Variants in CFAP20DC observed in about 807,000 individuals in gnomAD.
CFAP20DC encodes protein CFAP20DC.
In CFAP20DC, 84 loss-of-function variants were observed where a neutral mutation model predicts 101.7. The observed-to-expected ratio is 0.83, with a 90% CI of 0.69 to 0.99. The LOEUF (loss-of-function observed/expected upper bound fraction) is 0.99, where lower values mean the gene tolerates loss of function less well. Ranked by LOEUF, CFAP20DC falls within the 50% of genes least tolerant of loss-of-function variation. The pLI, the probability that CFAP20DC is intolerant of heterozygous loss-of-function variation, is 0.00. For missense variants in CFAP20DC, 1,007 were observed against 970.3 expected (o/e 1.04, Z -0.50); for synonymous variants, 359 against 351.2 (o/e 1.02, Z -0.25).
rs554050276 is a variant in CFAP20DC, at chr3:58,804,606, A to G, written c.2237+1789T>C. On this transcript the variant is annotated intron_variant, in intron 15 of 16. Transcript: ENST00000482387. ...TCAAACTCCTGATTTCAGGTGATCC[A>G]TCTGCCTTAGTCTCCCAAAGTGCTG... is the stretch of plus-strand genomic sequence containing the variant. 7.9e-5 allele frequency among the ~76,000 whole-genome samples: 12 copies of G among 152,258 alleles called. No individual in the cohort carries two copies. The South Asian group carries it at 2.5e-3, about 32-fold the overall frequency.
At chr3:58,909,565 T>A (rs1275785412) in intron 6 of CFAP20DC, among the ~76,000 whole-genome samples, 3 of 152,134 alleles carry the variant, frequency 2.0e-5, no homozygotes, top group Non-Finnish European at 4.4e-5. Context: ...TCCTGGAAAC[T>A]TTTCTCCTGA....
intron 14 of CFAP20DC, among the ~76,000 whole-genome samples, chr3:58,817,764 C>G (rs1003581552): frequency 6.6e-6 from 1 of 151,910 alleles, no homozygotes; most frequent in African/African-American, 2.4e-5. Context: ...GGCAGGCCAA[C>G]GTTCAGATTC....
rs1459981916 is a variant in CFAP20DC at position 58,937,641 on chromosome 3, T to C, written c.393+7A>G. ...AATATTTTAGGCAACATTCATGTGA[T>C]ACTTACAATTTTACGTTTGATCATG... On this transcript the variant is annotated splice_region_variant and intron_variant, in intron 5 of 16. Transcript: ENST00000482387. The C allele has an allele frequency of 6.6e-7, 1 of 1,511,152 alleles. No individual in the cohort carries two copies. Among genetic ancestry groups the C allele is most frequent in the Non-Finnish European group, 9.2e-7 (1 of 1,086,278 alleles). 93.6% of individuals were successfully genotyped at this position (1,511,152 alleles called of 1,614,324 possible). A position where few individuals can be genotyped will look rare whatever the true frequency, so the allele number is the denominator to read the frequency against.
At chr3:58,847,128 C>A (rs1304261471) in intron 13 of CFAP20DC, among the ~76,000 whole-genome samples, 3 of 124,632 alleles carry the variant, frequency 2.4e-5, no homozygotes, top group African/African-American at 3.1e-5. Context: ...GTCTAAAACA[C>A]CAAAAGCAAT....
chr3:58,918,621 TCA>T (rs772496800), intron 5 of CFAP20DC, among the ~76,000 whole-genome samples: 3 of 151,718 alleles, frequency 2.0e-5, no homozygotes, highest in Admixed American at 6.6e-5. Context: ...AATTATCAAG[TCA>T]CACAGTCTAT....
chr3:59,048,780 G>C (rs1187900537), intron 1 of CFAP20DC, among the ~76,000 whole-genome samples: 2 of 152,298 alleles, frequency 1.3e-5, no homozygotes, highest in East Asian at 1.9e-4. Context: ...ACGTTCATCA[G>C]AACAGCAGGA....
intron 7 of CFAP20DC, among the ~76,000 whole-genome samples, chr3:58,870,880 G>A (rs2080129371): frequency 9.8e-6 from 1 of 101,990 alleles, no homozygotes; most frequent in Admixed American, 1.5e-4. Flanking sequence ...GGGCGACAGA[G>A]CGAGACTCCG....
chr3:58,806,516 T>G (rs2074070026), intron 14 of CFAP20DC, 60 bp from the exon 15 acceptor site: 1 of 1,162,774 alleles, frequency 8.6e-7, no homozygotes, highest in Non-Finnish European at 1.3e-6. Context: ...ACATAGACAT[T>G]CACATGCACT....
At chr3:58,943,276 G>GGA (rs1406286562) in intron 4 of CFAP20DC, among the ~76,000 whole-genome samples, 2 of 152,138 alleles carry the variant, frequency 1.3e-5, no homozygotes, top group Admixed American at 1.3e-4. Flanking sequence ...CTCCTGACTG[G>GGA]GAGACACCTC....
intron 5 of CFAP20DC, among the ~76,000 whole-genome samples, chr3:58,936,882 C>G (rs1363970219): frequency 6.6e-6 from 1 of 151,390 alleles, no homozygotes; most frequent in Non-Finnish European, 1.5e-5. Context: ...ATGTAACTAA[C>G]CTGCACATTG....
chr3:59,029,292 C>A (rs925202738), intron 4 of CFAP20DC, among the ~76,000 whole-genome samples: 6 of 151,920 alleles, frequency 3.9e-5, no homozygotes, highest in African/African-American at 1.5e-4. Context: ...CAAAAAGACA[C>A]ATAATTAAAT....
At chr3:58,769,444 G>A (rs988816169) in intron 15 of CFAP20DC, among the ~76,000 whole-genome samples, 7 of 152,194 alleles carry the variant, frequency 4.6e-5, no homozygotes, top group Non-Finnish European at 8.8e-5. Flanking sequence ...CATCATGTCT[G>A]ACTTCTTCAC....
At chr3:58,951,283 A>C (rs1232049223) in intron 4 of CFAP20DC, among the ~76,000 whole-genome samples, 1 of 152,230 alleles carries the variant, frequency 6.6e-6, no homozygotes, top group Non-Finnish European at 1.5e-5. Flanking sequence ...ATGTGGAGAA[A>C]TAGGAACACT....
chr3:59,025,800 T>C (rs893063569), intron 4 of CFAP20DC, among the ~76,000 whole-genome samples: 3 of 152,164 alleles, frequency 2.0e-5, no homozygotes, highest in African/African-American at 7.2e-5. Flanking sequence ...TTGTTTTACA[T>C]ACTAAAAACA....
intron 4 of CFAP20DC, among the ~76,000 whole-genome samples, chr3:59,022,499 CAATAATCATATA>C (rs1298881684): frequency 6.6e-6 from 1 of 151,922 alleles, no homozygotes; most frequent in Non-Finnish European, 1.5e-5. Flanking sequence ...TGTAGCATAT[CAATAATCATATA>C]TGGTTTTAAA....
At chr3:58,839,326 G>A (rs1202918227) in intron 13 of CFAP20DC, among the ~76,000 whole-genome samples, 3 of 152,182 alleles carry the variant, frequency 2.0e-5, no homozygotes, top group Non-Finnish European at 4.4e-5. Flanking sequence ...ATTTAGATGA[G>A]AGTGAGGTGG....
At position 59,001,195 on chromosome 3, in the gene CFAP20DC, C is replaced by G. The variant is rs555161005; in HGVS notation, c.278+38362G>C. 6.2e-4 allele frequency among the ~76,000 whole-genome samples: 95 copies of G among 152,256 alleles called. No individual in the cohort carries two copies. The highest frequency in any genetic ancestry group is 2.2e-3 in the African/African-American group (92 of 41,554). ...TTTAAATCAATGGTAAAATAACACA[C>G]ATTGTAAATTATAATTTATGTACTT... On this transcript the variant is annotated intron_variant, in intron 4 of 16. Transcript: ENST00000482387. This position sits in a 1 kb window ranked among gnomAD's most constrained non-coding sequence, Gnocchi z 4.5.
At chr3:59,033,460 T>C (rs1400964257) in intron 4 of CFAP20DC, among the ~76,000 whole-genome samples, 2 of 151,872 alleles carry the variant, frequency 1.3e-5, no homozygotes, top group African/African-American at 2.4e-5. Context: ...TGAAAAAAGG[T>C]TGGAGGAATT....
chr3:58,739,708 G>A (rs549599114), downstream of CFAP20DC, among the ~76,000 whole-genome samples: 9 of 152,182 alleles, frequency 5.9e-5, no homozygotes, highest in Admixed American at 2.0e-4. Context: ...CCTGGGCATC[G>A]GTATTTTTAT....
Sources: allele counts gnomAD v4.1 joint callset (sites outside exome capture counted in the v4.1 genomes callset), GRCh38; gene constraint gnomAD v4.1.1; non-coding constraint Gnocchi (gnomAD v3.1); transcripts MANE v1.5; gene names NCBI Gene and HGNC (gene_info 2026-07-23, HGNC 2026-07-21).